Variants in CHD3 observed in about 807,000 individuals in gnomAD.
The protein encoded by CHD3 is chromodomain helicase DNA binding protein 3, also known as ATP-dependent chromatin remodeler CHD3.
A neutral mutation model predicts 248.9 loss-of-function variants in CHD3; 52 were observed. That is an observed-to-expected ratio of 0.21 (90% confidence interval 0.17 to 0.26). The LOEUF (loss-of-function observed/expected upper bound fraction) is 0.26. Among genes scored for constraint, CHD3 ranks in the 10% least tolerant of loss-of-function variants. The pLI, the probability that CHD3 is intolerant of heterozygous loss-of-function variation, is 1.00. For synonymous variants in CHD3, 985 were observed against 985.2 expected (o/e 1.00, Z 0.00); for missense variants, 1,482 against 2,605.8 (o/e 0.57, Z 9.39).
chr17:7,898,462 G>A (rs780371866), intron 12 of CHD3, 34 bp from the exon 13 acceptor site: 7 of 1,493,518 alleles, frequency 4.7e-6, no homozygotes, highest in Non-Finnish European at 6.5e-6. Flanking sequence ...GACTCCCAAG[G>A]ATGAGGCCTC....
chr17:7,889,926 T>A lies in CHD3; in HGVS notation c.213+150T>A, dbSNP rs1228491991. The A allele has an allele frequency of 8.6e-6, 6 of 700,998 alleles. No homozygotes were observed. The highest frequency in any genetic ancestry group is 3.6e-5 in the African/African-American group (2 of 55,576). The allele number at this position is 700,998 out of a possible 1,614,324, so 43.4% of individuals were successfully genotyped here. ...CCCGGGCCCCCCACTTCCCTGCCAC[T>A]GTTGGCCTGTATCTCAGGGATCTGG... is the stretch of plus-strand genomic sequence containing the variant. On this transcript the variant is annotated intron_variant, in intron 2 of 39. Coordinates refer to ENST00000330494, the MANE Select transcript of CHD3 (RefSeq NM_001005273.3). The surrounding 1 kb of genome is among the most constrained non-coding windows in gnomAD (Gnocchi z 4.5).
chr17:7,886,722 G>T (rs1302483982), upstream of CHD3, among the ~76,000 whole-genome samples: 2 of 152,128 alleles, frequency 1.3e-5, no homozygotes, highest in Non-Finnish European at 2.9e-5. This position sits in a 1 kb window ranked among gnomAD's most constrained non-coding sequence, Gnocchi z 4.2. Context: ...GGTTGCCTCC[G>T]GCAGAGGCGC....
chr17:7,907,837 T>C lies in CHD3; in HGVS notation c.5027-57T>C. ...TACAGTACAGTACAGATAGTAGTCT[T>C]GGGACCTGGGAGGAGGGTGTCCTGA... is the stretch of plus-strand genomic sequence containing the variant. On this transcript the variant is annotated intron_variant, in intron 33 of 39. Transcript: ENST00000330494. The surrounding 1 kb of genome is among the most constrained non-coding windows in gnomAD (Gnocchi z 4.3). The C allele has an allele frequency of 6.3e-7, 1 of 1,577,838 alleles. No homozygotes were observed. Among genetic ancestry groups the C allele is most frequent in the East Asian group, 2.3e-5 (1 of 44,188 alleles).
In CHD3 at chr17:7,904,130, T is replaced by C. The variant is rs541626286; in HGVS notation, c.3894+139T>C. The C allele has an allele frequency of 8.2e-6, 7 of 856,370 alleles. No homozygotes were observed. The highest frequency in any genetic ancestry group is 5.2e-5 in the South Asian group (3 of 58,028). 53.0% of individuals were successfully genotyped at this position (856,370 alleles called of 1,614,324 possible). A position where few individuals can be genotyped will look rare whatever the true frequency, so the allele number is the denominator to read the frequency against. On this transcript the variant is annotated intron_variant, in intron 24 of 39. Transcript: ENST00000330494. The surrounding 1 kb of genome is among the most constrained non-coding windows in gnomAD (Gnocchi z 4.4). ...TCAAACAACTTCTTCGTCTAATAGG[T>C]GAGACTGGACTTCAGAGAGAAACGT...
At chr17:7,887,769 C>T, upstream of CHD3, among the ~76,000 whole-genome samples, 1 of 152,254 alleles carries the variant, frequency 6.6e-6, no homozygotes. Context: ...CTCCTCCCTG[C>T]CTCCCTGAGA....
chr17:7,888,817 G>A lies in CHD3; in HGVS notation c.-184G>A. ...TCTTTGTTTGGGTCTCCCATACTGC[G>A]TATAGATGAATGGGTCAGGATATCT... On this transcript the variant is annotated 5_prime_UTR_variant, in exon 1 of 40. Transcript: ENST00000330494. The A allele has an allele frequency of 1.2e-5, 18 of 1,440,616 alleles. No homozygotes were observed. The highest frequency in any genetic ancestry group is 1.5e-5 in the South Asian group (1 of 67,584). 89.2% of individuals were successfully genotyped at this position (1,440,616 alleles called of 1,614,324 possible).
chr17:7,893,766 C>G (rs1045249910), intron 5 of CHD3, 39 bp from the exon 6 acceptor site: 1 of 1,607,236 alleles, frequency 6.2e-7, no homozygotes, highest in Non-Finnish European at 8.5e-7. Flanking sequence ...ATGTCATGAC[C>G]TCTCCTTTTT....
upstream of CHD3, among the ~76,000 whole-genome samples, chr17:7,887,086 A>T (rs1968078983): frequency 6.6e-6 from 1 of 152,090 alleles, no homozygotes; most frequent in Non-Finnish European, 1.5e-5. Flanking sequence ...TCGGAGGTAA[A>T]ACTTCGGGAA....
Position 7,904,676 on chromosome 17 carries a change from T to C in CHD3, c.4072+57T>C. On this transcript the variant is annotated intron_variant, in intron 25 of 39. Transcript: ENST00000330494. This position sits in a 1 kb window ranked among gnomAD's most constrained non-coding sequence, Gnocchi z 4.4. The stretch of plus-strand genomic sequence containing the variant: ...GGGGGAAGTGATGATGAGTAGGGAC[T>C]TGAAGGCTGGAGCTATTTAGAGGGA... The C allele has an allele frequency of 6.7e-7, 1 of 1,493,646 alleles. No individual in the cohort carries two copies. The highest frequency in any genetic ancestry group is 1.4e-5 in the African/African-American group (1 of 71,964). 92.5% of individuals were successfully genotyped at this position (1,493,646 alleles called of 1,614,324 possible). A position where few individuals can be genotyped will look rare whatever the true frequency, so the allele number is the denominator to read the frequency against.
chr17:7,890,564 C>G lies in CHD3; in HGVS notation c.214-7C>G. ...GAATAAATGTTATTTTTATTTCTTT[C>G]TCTTAGGACAGTGAGGAGGAATTTG... On this transcript the variant is annotated splice_region_variant and splice_polypyrimidine_tract_variant and intron_variant, in intron 2 of 39. Transcript: ENST00000330494. 1 of 1,563,590 alleles carries G rather than the reference C, an allele frequency of 6.4e-7. No homozygotes were observed. The highest frequency in any genetic ancestry group is 8.6e-7 in the Non-Finnish European group (1 of 1,157,048).
At chr17:7,885,797 G>A (rs1029738097), upstream of CHD3, among the ~76,000 whole-genome samples, 5 of 152,236 alleles carry the variant, frequency 3.3e-5, no homozygotes, top group African/African-American at 1.2e-4. Flanking sequence ...GTGAATGTTT[G>A]TGGGCTGCTG....
intron 20 of CHD3, among the ~76,000 whole-genome samples, chr17:7,901,711 A>G (rs1970341737): frequency 6.6e-6 from 1 of 151,912 alleles, no homozygotes; most frequent in Non-Finnish European, 1.5e-5. Flanking sequence ...GGATTTCACC[A>G]TGTTGGTCAG....
Position 7,911,398 on chromosome 17 carries a change from A to G in CHD3, c.5882-66A>G. On this transcript the variant is annotated intron_variant, in intron 39 of 39. Transcript: ENST00000330494. The surrounding 1 kb of genome is among the most constrained non-coding windows in gnomAD (Gnocchi z 5.4). The stretch of plus-strand genomic sequence containing the variant: ...GGTGACCTAGAAGTGAGAATTCACC[A>G]TTGTCATGAAGTGACGTTTGAGAGT... 1.2e-6 allele frequency: 2 copies of G among 1,612,196 alleles called. No individual in the cohort carries two copies. Among genetic ancestry groups the G allele is most frequent in the Non-Finnish European group, 1.7e-6 (2 of 1,179,068 alleles).
chr17:7,904,114 T>C lies in CHD3; in HGVS notation c.3894+123T>C. 1 of 1,010,780 alleles carries C rather than the reference T, an allele frequency of 9.9e-7. No homozygotes were observed. The highest frequency in any genetic ancestry group is 1.5e-6 in the Non-Finnish European group (1 of 688,704). 62.6% of individuals were successfully genotyped at this position (1,010,780 alleles called of 1,614,324 possible). A position where few individuals can be genotyped will look rare whatever the true frequency, so the allele number is the denominator to read the frequency against. On this transcript the variant is annotated intron_variant, in intron 24 of 39. Coordinates refer to ENST00000330494, the MANE Select transcript of CHD3 (RefSeq NM_001005273.3). This position sits in a 1 kb window ranked among gnomAD's most constrained non-coding sequence, Gnocchi z 4.4. ...AAAACAGTAGTGGACCTCAAACAAC[T>C]TCTTCGTCTAATAGGTGAGACTGGA...
At position 7,890,978 on chromosome 17, in the gene CHD3, C is replaced by A. The variant is rs768247041; in HGVS notation, c.423C>A (p.Thr141=). The change falls in exon 4 of 40, where the codon ACC becomes ACA. Residue 141 remains threonine (T), a synonymous_variant. Transcript: ENST00000330494. The part of the protein sequence containing the change: ...EQKSSATLLL[T]WGLEDVEHVF... ...AGTCATCAGCAACTCTGCTTCTGAC[C>A]TGGGGCCTGGAGGATGTGGAGCATG... The A allele has an allele frequency of 6.2e-7, 1 of 1,614,114 alleles. No homozygotes were observed. Among genetic ancestry groups the A allele is most frequent in the South Asian group, 1.1e-5 (1 of 91,078 alleles).
rs758780012 is a variant in CHD3, at chr17:7,899,964, A to C, written c.2613A>C (p.Ala871=). The part of the protein sequence containing the change: ...SYELITIDQA[A]LGSIRWACLV... ...AGCTGATCACCATTGATCAGGCAGC[A>C]CTTGGTTCCATCCGCTGGGCCTGTC... The change falls in exon 16 of 40, where the codon GCA becomes GCC. Residue 871 remains alanine, a synonymous_variant. Coordinates refer to ENST00000330494, the MANE Select transcript of CHD3 (RefSeq NM_001005273.3). This position sits in a 1 kb window ranked among gnomAD's most constrained non-coding sequence, Gnocchi z 6.8. 67 of 1,614,114 alleles carry C rather than the reference A, an allele frequency of 4.2e-5. No homozygotes were observed. The East Asian group carries it at 1.5e-3, about 36-fold the overall frequency.
At chr17:7,893,245 C>G (rs1020996641) in intron 4 of CHD3, 41 bp from the exon 5 acceptor site, 1 of 1,547,330 alleles carries the variant, frequency 6.5e-7, no homozygotes, top group South Asian at 1.2e-5. Context: ...GTTCCCAGAC[C>G]ATCTGTGAAG....
upstream of CHD3, among the ~76,000 whole-genome samples, chr17:7,888,059 C>G (rs549585199): frequency 6.6e-6 from 1 of 152,200 alleles, no homozygotes; most frequent in African/African-American, 2.4e-5. Context: ...CCTCGGCAGC[C>G]TGCGTTTCCA....
upstream of CHD3, chr17:7,885,174 G>A: frequency 1.0e-6 from 1 of 979,178 alleles, no homozygotes. Context: ...CCGCGCGGCC[G>A]AGCCGAGGCG....
Sources: gnomAD v4.1 joint callset for allele counts (sites outside exome capture counted in the v4.1 genomes callset) on GRCh38, gnomAD v4.1.1 for gene constraint, Gnocchi (gnomAD v3.1) non-coding constraint, MANE v1.5 for transcripts, NCBI Gene and HGNC (gene_info 2026-07-23, HGNC 2026-07-21) for gene names.